The following ADGRL3 variants were observed in gnomAD, a reference collection of about 807,000 sequenced individuals.
ADGRL3 encodes the protein adhesion G protein-coupled receptor L3, also known as calcium-independent alpha-latrotoxin receptor 3.
ADGRL3 carries 62 observed loss-of-function variants against 153.5 expected under a neutral mutation model. The ratio of observed to expected loss-of-function variants is 0.40; its 90% CI spans 0.33 to 0.50. ADGRL3 has a LOEUF of 0.50. Among genes scored for constraint, ADGRL3 ranks in the 20% least tolerant of loss-of-function variants. The probability of loss-of-function intolerance (pLI) is 0.47; values close to 1 mark genes in which losing one functional copy is unlikely to be tolerated. For missense variants in ADGRL3, 1,641 were observed against 1,859.4 expected, an observed-to-expected ratio of 0.88 and a Z score of 2.16; for synonymous variants, 710 against 672.5, an observed-to-expected ratio of 1.06 and a Z score of -0.86.
intron 1 of ADGRL3, among the ~76,000 whole-genome samples, chr4:61,290,975 G>C (rs2094155397): frequency 1.3e-5 from 2 of 151,936 alleles, no homozygotes; most frequent in South Asian, 4.2e-4. Flanking sequence ...AAACTGGATT[G>C]CTATCTTTAA....
At chr4:61,775,420 G>GTT in intron 8 of ADGRL3, 6 of 677,692 alleles carry the variant, frequency 8.9e-6, no homozygotes, top group Admixed American at 3.6e-5. Flanking sequence ...GTGTGTGTGT[G>GTT]TGTGTGTGTG....
At chr4:61,355,209 G>T (rs1386656092) in intron 1 of ADGRL3, among the ~76,000 whole-genome samples, 2 of 151,998 alleles carry the variant, frequency 1.3e-5, no homozygotes, top group Non-Finnish European at 2.9e-5. Context: ...ATGCTGTCAG[G>T]TTCAAGTAAG....
At chr4:61,414,402 C>G (rs1245845636) in intron 2 of ADGRL3, among the ~76,000 whole-genome samples, 7 of 152,050 alleles carry the variant, frequency 4.6e-5, no homozygotes. Flanking sequence ...AACAGTGGAC[C>G]TGAAATTTGA....
At chr4:61,591,443 A>G (rs1051302314) in intron 5 of ADGRL3, among the ~76,000 whole-genome samples, 2 of 152,088 alleles carry the variant, frequency 1.3e-5, no homozygotes, top group African/African-American at 4.8e-5. Context: ...CTTTCTGTCT[A>G]TATGTTTATC....
intron 2 of ADGRL3, among the ~76,000 whole-genome samples, chr4:61,481,577 G>T (rs2098132021): frequency 6.6e-6 from 1 of 151,412 alleles, no homozygotes; most frequent in Non-Finnish European, 1.5e-5. Context: ...AAACCTTAAT[G>T]TTAGGAAGGG....
At chr4:62,017,235 C>T in intron 21 of ADGRL3, among the ~76,000 whole-genome samples, 1 of 151,916 alleles carries the variant, frequency 6.6e-6, no homozygotes, top group East Asian at 1.9e-4. Context: ...CCAGGATAAC[C>T]TACATCCTTA....
intron 1 of ADGRL3, among the ~76,000 whole-genome samples, chr4:61,311,761 A>G: frequency 6.6e-6 from 1 of 152,202 alleles, no homozygotes; most frequent in East Asian, 1.9e-4. Flanking sequence ...TTGTCAAAAA[A>G]GCCATGCTTA....
chr4:61,888,410 C>A (rs1250195269), intron 9 of ADGRL3, among the ~76,000 whole-genome samples: 1 of 152,148 alleles, frequency 6.6e-6, no homozygotes, highest in African/African-American at 2.4e-5. Context: ...ACTCTCATAG[C>A]CTATAATATA....
At chr4:61,950,460 A>G (rs1339905490) in intron 17 of ADGRL3, among the ~76,000 whole-genome samples, 1 of 152,246 alleles carries the variant, frequency 6.6e-6, no homozygotes, top group African/African-American at 2.4e-5. Context: ...GCGAAAACAT[A>G]AAGATATTAT....
intron 2 of ADGRL3, among the ~76,000 whole-genome samples, chr4:61,457,701 T>TA (rs1206044716): frequency 6.6e-6 from 1 of 151,944 alleles, no homozygotes; most frequent in African/African-American, 2.4e-5. Context: ...CCTTCTGTCT[T>TA]AAAGTTTGCT....
At chr4:61,547,331 A>C (rs114696843) in intron 4 of ADGRL3, among the ~76,000 whole-genome samples, 2 of 151,036 alleles carry the variant, frequency 1.3e-5, no homozygotes, top group East Asian at 2.0e-4. Context: ...GGTAAATTGC[A>C]TGTCAGAGGA....
chr4:61,984,402 T>C (rs911363579), intron 19 of ADGRL3, among the ~76,000 whole-genome samples: 3 of 152,088 alleles, frequency 2.0e-5, no homozygotes, highest in African/African-American at 7.2e-5. Context: ...AGTCTCAAGA[T>C]GGTGTTTCAA....
chr4:61,488,333 A>G (rs942165076), intron 2 of ADGRL3, among the ~76,000 whole-genome samples: 1 of 152,066 alleles, frequency 6.6e-6, no homozygotes, highest in African/African-American at 2.4e-5. Context: ...TACTTCAGTG[A>G]TAAAAAAATA....
At chr4:61,644,950 T>C (rs1303791450) in intron 5 of ADGRL3, among the ~76,000 whole-genome samples, 3 of 152,062 alleles carry the variant, frequency 2.0e-5, no homozygotes, top group East Asian at 3.9e-4. Flanking sequence ...CAGGACTTGC[T>C]TTATGAATCT....
intron 15 of ADGRL3, among the ~76,000 whole-genome samples, 180 bp from the exon 16 acceptor site, chr4:61,946,734 A>G (rs1347816143): frequency 6.6e-6 from 1 of 152,162 alleles, no homozygotes; most frequent in African/African-American, 2.4e-5. Context: ...AAATATTGGT[A>G]TGTAGTTGTT....
At chr4:61,611,845 C>T (rs768996330) in intron 5 of ADGRL3, among the ~76,000 whole-genome samples, 14 of 151,904 alleles carry the variant, frequency 9.2e-5, no homozygotes, top group South Asian at 2.1e-4. Flanking sequence ...CCCTTGAGCC[C>T]GGAATTCAAG....
intron 2 of ADGRL3, among the ~76,000 whole-genome samples, chr4:61,392,344 A>G (rs2096818727): frequency 6.6e-6 from 1 of 152,050 alleles, no homozygotes; most frequent in African/African-American, 2.4e-5. Context: ...GCTCACGTCA[A>G]GTGCCCTTCA....
rs193278445 is a variant in ADGRL3 at position 61,366,185 on chromosome 4, C to G, written c.-239-16939C>G. On this transcript the variant is annotated intron_variant, in intron 1 of 26. Coordinates refer to ENST00000683033, the MANE Select transcript of ADGRL3 (RefSeq NM_001387552.1). ...ATTACTTGCTTTCTTTTAAAATAAG[C>G]ATTCTCTTTCCAATATGTATACAGC... Among the ~76,000 whole-genome samples, 97 of 152,198 alleles carry G rather than the reference C, an allele frequency of 6.4e-4. 2 individuals carry two copies. The highest frequency in any genetic ancestry group is 2.3e-3 in the African/African-American group (96 of 41,550).
intron 1 of ADGRL3, among the ~76,000 whole-genome samples, chr4:61,366,082 T>C (rs1193065764): frequency 2.6e-5 from 4 of 152,182 alleles, no homozygotes; most frequent in African/African-American, 9.7e-5. Flanking sequence ...CTAGATCCTT[T>C]CCTTGAAAAT....
Sources: allele counts gnomAD v4.1 joint callset (sites outside exome capture counted in the v4.1 genomes callset), GRCh38; gene constraint gnomAD v4.1.1; transcripts MANE v1.5; gene names NCBI Gene and HGNC (gene_info 2026-07-23, HGNC 2026-07-21).